STXBP5L: variants seen among roughly 807,000 people sequenced by gnomAD.
The protein encoded by STXBP5L is syntaxin-binding protein 5-like.
A neutral mutation model predicts 144.5 loss-of-function variants in STXBP5L; 65 were observed. That is an observed-to-expected ratio of 0.45 (90% CI 0.37 to 0.55). STXBP5L has a LOEUF of 0.55. STXBP5L is among the 20% of genes least tolerant of loss of function. The pLI is 0.00. For synonymous variants in STXBP5L, 505 were observed against 469.6 expected, an observed-to-expected ratio of 1.08 and a Z score of -0.97; for missense variants, 1,298 against 1,405.5, an observed-to-expected ratio of 0.92 and a Z score of 1.22.
chr3:121,107,092 T>G (rs984668771), intron 5 of STXBP5L, among the ~76,000 whole-genome samples: 3 of 149,064 alleles, frequency 2.0e-5, no homozygotes, highest in Non-Finnish European at 4.5e-5. Context: ...GGATTCTTTG[T>G]TTTTTTTTTC....
At chr3:121,348,266 CT>C (rs1204198070) in intron 20 of STXBP5L, among the ~76,000 whole-genome samples, 1 of 151,956 alleles carries the variant, frequency 6.6e-6, no homozygotes, top group African/African-American at 2.4e-5. Flanking sequence ...TGTTTATTGA[CT>C]TGCATATGTT....
intron 2 of STXBP5L, among the ~76,000 whole-genome samples, chr3:120,921,485 A>G (rs1317708143): frequency 6.6e-6 from 1 of 151,750 alleles, no homozygotes; most frequent in African/African-American, 2.4e-5. Context: ...GCTTGATGCA[A>G]TCCCATTTTC....
intron 18 of STXBP5L, among the ~76,000 whole-genome samples, chr3:121,262,329 C>T (rs140606704): frequency 7.1e-4 from 108 of 152,316 alleles, no homozygotes; most frequent in African/African-American, 2.5e-3. Context: ...CGTTCAAAGT[C>T]TCATCAAAAT....
rs755297802 is a variant in STXBP5L, at chr3:121,413,327, G to A, written c.3114+4G>A. 1.3e-6 allele frequency: 2 copies of A among 1,529,662 alleles called. No homozygotes were observed. Among genetic ancestry groups the A allele is most frequent in the Middle Eastern group, 1.7e-4 (1 of 5,764 alleles). 94.8% of individuals were successfully genotyped at this position (1,529,662 alleles called of 1,614,324 possible). ...AGAAATGTGTGATAATCTACAGGTA[G>A]GTCAGGAGTTACATTTATGAAAAAG... is the stretch of plus-strand genomic sequence containing the variant. On this transcript the variant is annotated splice_donor_region_variant and intron_variant, in intron 24 of 26. Transcript: ENST00000471454.
At chr3:120,965,322 A>G (rs1363451996) in intron 3 of STXBP5L, among the ~76,000 whole-genome samples, 3 of 152,130 alleles carry the variant, frequency 2.0e-5, no homozygotes, top group Non-Finnish European at 4.4e-5. Flanking sequence ...TTCTGTCATG[A>G]TGTTCACTGG....
intron 3 of STXBP5L, among the ~76,000 whole-genome samples, chr3:121,008,121 C>G (rs965288116): frequency 1.3e-5 from 2 of 151,926 alleles, no homozygotes; most frequent in Non-Finnish European, 2.9e-5. Context: ...TTCTGGGTGT[C>G]AGAGTACTTG....
At chr3:121,270,161 A>C (rs1303364214) in intron 18 of STXBP5L, among the ~76,000 whole-genome samples, 3 of 152,052 alleles carry the variant, frequency 2.0e-5, no homozygotes, top group South Asian at 2.1e-4. Flanking sequence ...GAACTTGGAA[A>C]GATAATATAA....
chr3:121,072,241 A>G (rs1014867786), intron 5 of STXBP5L, among the ~76,000 whole-genome samples: 5 of 152,216 alleles, frequency 3.3e-5, no homozygotes, highest in African/African-American at 1.2e-4. Context: ...GACAAACACT[A>G]GCATGTACCA....
chr3:121,203,435 T>A (rs187897525), intron 9 of STXBP5L, among the ~76,000 whole-genome samples: 29 of 152,306 alleles, frequency 1.9e-4, no homozygotes, highest in Middle Eastern at 6.8e-3. Flanking sequence ...TTTTTACTTA[T>A]TTTTTAATAC....
intron 7 of STXBP5L, among the ~76,000 whole-genome samples, chr3:121,147,952 C>G (rs1577063243): frequency 6.6e-6 from 1 of 152,080 alleles, no homozygotes; most frequent in Non-Finnish European, 1.5e-5. Flanking sequence ...TGGAACTATA[C>G]CATTGGTTCT....
intron 6 of STXBP5L, among the ~76,000 whole-genome samples, chr3:121,117,949 A>G (rs1261838346): frequency 6.6e-6 from 1 of 151,794 alleles, no homozygotes; most frequent in African/African-American, 2.4e-5. Flanking sequence ...ACCAGGTGAT[A>G]GCATAGAAAC....
intron 19 of STXBP5L, among the ~76,000 whole-genome samples, chr3:121,305,118 A>G (rs576665860): frequency 4.6e-5 from 7 of 152,128 alleles, no homozygotes; most frequent in African/African-American, 1.4e-4. Context: ...GTAACACCAA[A>G]CACATTGGAA....
At chr3:121,083,408 T>A (rs1384336758) in intron 5 of STXBP5L, among the ~76,000 whole-genome samples, 4 of 152,134 alleles carry the variant, frequency 2.6e-5, no homozygotes, top group Non-Finnish European at 4.4e-5. Flanking sequence ...ACGCCTGTAA[T>A]TCCAATACTT....
chr3:121,104,275 A>G (rs1005441282), intron 5 of STXBP5L, among the ~76,000 whole-genome samples: 5 of 152,224 alleles, frequency 3.3e-5, no homozygotes, highest in African/African-American at 1.2e-4. Context: ...AACACATCTC[A>G]TGCTCATGGA....
intron 3 of STXBP5L, among the ~76,000 whole-genome samples, chr3:121,017,086 A>T (rs1252084590): frequency 2.0e-5 from 3 of 152,222 alleles, no homozygotes; most frequent in African/African-American, 7.2e-5. Context: ...AGAATTATAC[A>T]CTATGACCAA....
rs78327946 is a variant in STXBP5L, at chr3:121,100,430, A to C, written c.471-14495A>C. Among the ~76,000 whole-genome samples the C allele has an allele frequency of 5.1e-4, 77 of 152,190 alleles. 1 individual carries two copies. In the East Asian group the frequency reaches 0.014, roughly 28 times the overall value. ...AGAAAACAGTGGAATAAAAATAATCAATACCAAGATCTTTTATTACCACAC... is the reference window on the plus strand; with the variant it reads ...AGAAAACAGTGGAATAAAAATAATCCATACCAAGATCTTTTATTACCACAC... On this transcript the variant is annotated intron_variant, in intron 5 of 26. Transcript: ENST00000471454.
intron 20 of STXBP5L, among the ~76,000 whole-genome samples, chr3:121,341,544 A>G (rs1011710515): frequency 6.6e-6 from 1 of 152,116 alleles, no homozygotes; most frequent in Non-Finnish European, 1.5e-5. Flanking sequence ...GGAAATTTGT[A>G]TATGGAAGAG....
At chr3:121,369,556 C>T (rs773196147) in intron 20 of STXBP5L, among the ~76,000 whole-genome samples, 10 of 150,572 alleles carry the variant, frequency 6.6e-5, no homozygotes, top group Non-Finnish European at 1.5e-4. Context: ...GTGGTGGTGT[C>T]GTGGTTCTTT....
intron 9 of STXBP5L, among the ~76,000 whole-genome samples, chr3:121,160,014 G>C (rs1175693183): frequency 1.3e-5 from 2 of 152,064 alleles, no homozygotes; most frequent in Non-Finnish European, 2.9e-5. Flanking sequence ...CTAATTTTTT[G>C]TTCTGATATT....
Sources: gnomAD v4.1 joint callset for allele counts (sites outside exome capture counted in the v4.1 genomes callset) on GRCh38, gnomAD v4.1.1 for gene constraint, MANE v1.5 for transcripts, NCBI Gene and HGNC (gene_info 2026-07-23, HGNC 2026-07-21) for gene names.